The following PAFAH1B1 variants were observed in gnomAD, a reference collection of about 807,000 sequenced individuals.
PAFAH1B1 encodes the protein platelet activating factor acetylhydrolase 1b regulatory subunit 1.
Under a neutral mutation model 57.5 loss-of-function variants are expected in PAFAH1B1, and 2 were observed. The ratio of observed to expected loss-of-function variants is 0.03; its 90% confidence interval spans 0.01 to 0.11. The LOEUF (loss-of-function observed/expected upper bound fraction) is 0.11, where lower values mean the gene tolerates loss of function less well. Among genes scored for constraint, PAFAH1B1 ranks in the 10% least tolerant of loss-of-function variants. The pLI is 1.00. For missense variants in PAFAH1B1, 257 were observed against 512.0 expected, an observed-to-expected ratio of 0.50 and a Z score of 4.81; for synonymous variants, 152 against 169.6, an observed-to-expected ratio of 0.90 and a Z score of 0.81.
chr17:2,663,146 C>T (rs1396114179), intron 2 of PAFAH1B1, among the ~76,000 whole-genome samples: 2 of 151,930 alleles, frequency 1.3e-5, no homozygotes, highest in East Asian at 1.9e-4. Context: ...AGCGTGGTGG[C>T]GGGCACCTGT....
intron 1 of PAFAH1B1, among the ~76,000 whole-genome samples, chr17:2,597,403 C>CTTTGTTTTT (rs2068095343): frequency 1.6e-5 from 1 of 64,348 alleles, no homozygotes; most frequent in Non-Finnish European, 2.8e-5. Flanking sequence ...ACATCCGTGT[C>CTTTGTTTTT]TTTTTTTTTT....
At chr17:2,648,982 A>G (rs536797594) in intron 2 of PAFAH1B1, among the ~76,000 whole-genome samples, 5 of 152,126 alleles carry the variant, frequency 3.3e-5, no homozygotes, top group Non-Finnish European at 7.3e-5. Flanking sequence ...ACTATTGGAA[A>G]GGAAGCAGCC....
rs1158565859 is a variant in PAFAH1B1 at position 2,682,215 on chromosome 17, CT to C, written c.*418del. ...TGGGGAAAAGTGGTGGTTATTAGGG[CT>C]TTTTCTGAAATGTGTATCTATGTAA... is the stretch of plus-strand genomic sequence containing the variant. On this transcript the variant is annotated 3_prime_UTR_variant, in exon 11 of 11. Transcript: ENST00000397195. The C allele has an allele frequency of 2.5e-5, 4 of 162,664 alleles. No homozygotes were observed. The highest frequency in any genetic ancestry group is 4.0e-5 in the Non-Finnish European group (3 of 74,222). 10.1% of individuals were successfully genotyped at this position (162,664 alleles called of 1,614,324 possible). A position where few individuals can be genotyped will look rare whatever the true frequency, so the allele number is the denominator to read the frequency against.
intron 2 of PAFAH1B1, among the ~76,000 whole-genome samples, chr17:2,643,091 G>GT (rs973140173): frequency 5.3e-5 from 8 of 152,030 alleles, no homozygotes; most frequent in Non-Finnish European, 7.4e-5. Flanking sequence ...TTCTTTGTTT[G>GT]TTTTTTTGTT....
At chr17:2,661,574 A>G (rs945352803) in intron 2 of PAFAH1B1, among the ~76,000 whole-genome samples, 2 of 152,106 alleles carry the variant, frequency 1.3e-5, no homozygotes, top group African/African-American at 4.8e-5. Context: ...GCCTTGTAGT[A>G]TAGTTTGAAG....
chr17:2,618,579 T>G (rs2068377336), intron 1 of PAFAH1B1, among the ~76,000 whole-genome samples: 1 of 151,776 alleles, frequency 6.6e-6, no homozygotes, highest in South Asian at 2.1e-4. Flanking sequence ...GAAAATTTAC[T>G]TTTTTAAAAG....
intron 1 of PAFAH1B1, among the ~76,000 whole-genome samples, chr17:2,603,633 A>T (rs1217775781): frequency 3.3e-5 from 5 of 152,212 alleles, no homozygotes; most frequent in African/African-American, 1.2e-4. Context: ...AAGGAAAAAA[A>T]AAAGTATGTA....
intron 1 of PAFAH1B1, among the ~76,000 whole-genome samples, chr17:2,623,261 CTTTTTTTTTTT>C (rs376810275): frequency 3.8e-5 from 4 of 103,970 alleles, no homozygotes; most frequent in South Asian, 6.1e-4. Flanking sequence ...TTTTTCCTTT[CTTTTTTTTTTT>C]TTTTTTTTTT....
At chr17:2,606,847 T>A (rs2068210523) in intron 1 of PAFAH1B1, among the ~76,000 whole-genome samples, 1 of 133,730 alleles carries the variant, frequency 7.5e-6, no homozygotes, top group African/African-American at 2.9e-5. Context: ...TAAGACGGAG[T>A]CTCGCTCTGT....
At chr17:2,615,126 A>G (rs931783997) in intron 1 of PAFAH1B1, among the ~76,000 whole-genome samples, 1 of 152,170 alleles carries the variant, frequency 6.6e-6, no homozygotes, top group Non-Finnish European at 1.5e-5. Context: ...ACAATACAAT[A>G]TAACAACTAT....
At chr17:2,679,875 A>C (rs2069350652) in intron 9 of PAFAH1B1, 1 of 400,058 alleles carries the variant, frequency 2.5e-6, no homozygotes, top group African/African-American at 2.0e-5. Context: ...TTCACACTCA[A>C]GAAATTTACC....
chr17:2,617,802 C>T (rs1192652241), intron 1 of PAFAH1B1, among the ~76,000 whole-genome samples: 3 of 152,062 alleles, frequency 2.0e-5, no homozygotes, highest in African/African-American at 7.2e-5. Context: ...TGTCTGTAAT[C>T]CCAGCTACTC....
intron 1 of PAFAH1B1, among the ~76,000 whole-genome samples, chr17:2,637,765 T>C (rs1192884368): frequency 6.6e-6 from 1 of 152,226 alleles, no homozygotes; most frequent in Non-Finnish European, 1.5e-5. Flanking sequence ...ATTTGAAATT[T>C]TACTTTTTGT....
chr17:2,618,954 CAAA>C (rs34683975), intron 1 of PAFAH1B1, among the ~76,000 whole-genome samples: 2,062 of 76,220 alleles, frequency 0.027, 46 homozygotes, highest in African/African-American at 0.095. Flanking sequence ...GACTCCGTCT[CAAA>C]AAAAAAAAAA....
chr17:2,633,290 C>T (rs1452562048), intron 1 of PAFAH1B1, among the ~76,000 whole-genome samples: 1 of 151,698 alleles, frequency 6.6e-6, no homozygotes, highest in South Asian at 2.1e-4. Context: ...CCCTCAGCCT[C>T]CCGAGTAGCT....
intron 2 of PAFAH1B1, among the ~76,000 whole-genome samples, chr17:2,663,456 C>T (rs978139466): frequency 6.6e-6 from 1 of 152,076 alleles, no homozygotes; most frequent in South Asian, 2.1e-4. Context: ...GGCTCACTCA[C>T]AGCTTGCTGC....
At chr17:2,674,438 T>C (rs2069232322) in intron 8 of PAFAH1B1, 150 bp downstream of exon 8, 1 of 687,278 alleles carries the variant, frequency 1.5e-6, no homozygotes, top group Non-Finnish European at 2.6e-6. Flanking sequence ...TCTTCACAGC[T>C]TGCTGATGTG....
At chr17:2,655,545 A>G (rs1042309273) in intron 2 of PAFAH1B1, among the ~76,000 whole-genome samples, 1 of 152,184 alleles carries the variant, frequency 6.6e-6, no homozygotes, top group South Asian at 2.1e-4. Flanking sequence ...GTGGTGGCAC[A>G]TGCCTGGTAA....
chr17:2,601,700 G>A (rs916801139), intron 1 of PAFAH1B1, among the ~76,000 whole-genome samples: 3 of 152,016 alleles, frequency 2.0e-5, no homozygotes, highest in Admixed American at 6.6e-5. Flanking sequence ...CCTCGGCCCC[G>A]CAAAGTGCTG....
Sources: allele counts gnomAD v4.1 joint callset (sites outside exome capture counted in the v4.1 genomes callset), GRCh38; gene constraint gnomAD v4.1.1; transcripts MANE v1.5; gene names NCBI Gene and HGNC (gene_info 2026-07-23, HGNC 2026-07-21).